Variants in PRND observed in about 807,000 individuals in gnomAD.
The protein encoded by PRND is prion-like protein doppel.
For synonymous variants in PRND, 94 were observed against 93.2 expected (o/e 1.01, Z -0.05); for missense variants, 227 against 223.3 (o/e 1.02, Z -0.11).
chr20:4,724,908 G>T lies in PRND; in HGVS notation c.357G>T (p.Glu119Asp). Residue 119 changes from glutamate to aspartate, a missense_variant, in exon 2 of 2, where the codon GAG (glutamate) becomes GAT (aspartate). Physicochemically the swap from Glu to Asp is conservative, Grantham distance 45. Transcript: ENST00000305817. This position sits in a 1 kb window ranked among gnomAD's most constrained non-coding sequence, Gnocchi z 4.8. ...INATQAANQG[E>D]FQKPDNKLHQ... ...CCACCCAGGCGGCGAACCAGGGGGAGTTCCAGAAGCCAGACAACAAGCTCC... is the reference window on the plus strand; with the variant it reads ...CCACCCAGGCGGCGAACCAGGGGGATTTCCAGAAGCCAGACAACAAGCTCC... The T allele has an allele frequency of 6.2e-7, 1 of 1,614,198 alleles. No homozygotes were observed. The highest frequency in any genetic ancestry group is 8.5e-7 in the Non-Finnish European group (1 of 1,180,054).
At position 4,727,498 on chromosome 20, in the gene PRND, T is replaced by C. The variant is rs1039790493; in HGVS notation, c.*2416T>C. The stretch of plus-strand genomic sequence containing the variant: ...TTCTGAATTATTCTGGATATCGTCA[T>C]TTTGCAGTGTGCATAATTTTGCCAA... On this transcript the variant is annotated 3_prime_UTR_variant, in exon 2 of 2. Transcript: ENST00000305817. 6.0e-6 allele frequency: 1 copy of C among 167,110 alleles called. No individual in the cohort carries two copies. The highest frequency in any genetic ancestry group is 1.5e-5 in the Non-Finnish European group (1 of 68,124). The allele number at this position is 167,110 out of a possible 1,614,324, so 10.4% of individuals were successfully genotyped here. A position where few individuals can be genotyped will look rare whatever the true frequency, so the allele number is the denominator to read the frequency against.
chr20:4,722,014 T>C (rs1485205777), intron 1 of PRND, 45 bp downstream of exon 1: 1 of 152,238 alleles, frequency 6.6e-6, no homozygotes, highest in East Asian at 1.9e-4. Flanking sequence ...TGGTTTCTTA[T>C]CAAGGCTCGA....
chr20:4,724,410 A>G lies in PRND; in HGVS notation c.-11-131A>G, dbSNP rs1382524719. 1 of 1,204,334 alleles carries G rather than the reference A, an allele frequency of 8.3e-7. No homozygotes were observed. The highest frequency in any genetic ancestry group is 1.2e-6 in the Non-Finnish European group (1 of 829,686). The allele number at this position is 1,204,334 out of a possible 1,614,324, so 74.6% of individuals were successfully genotyped here. On this transcript the variant is annotated intron_variant, in intron 1 of 1. Transcript: ENST00000305817. The surrounding 1 kb of genome is among the most constrained non-coding windows in gnomAD (Gnocchi z 4.8). ...TGCACAACCCAAACATGGGGAAACA[A>G]TTATGCTTTTGAGACCACATAAATA... is the stretch of plus-strand genomic sequence containing the variant.
Position 4,725,188 on chromosome 20 carries a change from C to A in PRND, c.*106C>A. 7.1e-7 allele frequency: 1 copy of A among 1,409,506 alleles called. No individual in the cohort carries two copies. Among genetic ancestry groups the A allele is most frequent in the Non-Finnish European group, 9.7e-7 (1 of 1,030,070 alleles). 87.3% of individuals were successfully genotyped at this position (1,409,506 alleles called of 1,614,324 possible). On this transcript the variant is annotated 3_prime_UTR_variant, in exon 2 of 2. Coordinates refer to ENST00000305817, the MANE Select transcript of PRND (RefSeq NM_012409.4). The stretch of plus-strand genomic sequence containing the variant: ...CGCGTGTTCTGAAGGTGCCCAGGAG[C>A]GGCGATGCACTCGCACTGCAAATGC...
rs900298028 is a variant in PRND, at chr20:4,726,392, C to T, written c.*1310C>T. 1 of 166,856 alleles carries T rather than the reference C, an allele frequency of 6.0e-6. No individual in the cohort carries two copies. The highest frequency in any genetic ancestry group is 2.1e-4 in the South Asian group (1 of 4,816). The allele number at this position is 166,856 out of a possible 1,614,324, so 10.3% of individuals were successfully genotyped here. Reference sequence around the variant, plus strand: ...CATCATCTCTGTAAACCACTTGTCACTACAAAAATACAATTACTCACCAAA... The same window carrying T: ...CATCATCTCTGTAAACCACTTGTCATTACAAAAATACAATTACTCACCAAA... On this transcript the variant is annotated 3_prime_UTR_variant, in exon 2 of 2. Coordinates refer to ENST00000305817, the MANE Select transcript of PRND (RefSeq NM_012409.4).
At position 4,724,048 on chromosome 20, in the gene PRND, A is replaced by ATG. The variant is rs1344618645; in HGVS notation, c.-11-492_-11-491insGT. ...TACATATATGTGTGTATATATGTAT[A>ATG]TATGTGTGTGTATATACGTGTATAT... On this transcript the variant is annotated intron_variant, in intron 1 of 1. Coordinates refer to ENST00000305817, the MANE Select transcript of PRND (RefSeq NM_012409.4). The surrounding 1 kb of genome is among the most constrained non-coding windows in gnomAD (Gnocchi z 4.8). Among the ~76,000 whole-genome samples, 1 of 103,914 alleles carries ATG rather than the reference A, an allele frequency of 9.6e-6. No homozygotes were observed. The highest frequency in any genetic ancestry group is 8.6e-5 in the Admixed American group (1 of 11,598). The allele number at this position is 103,914 out of a possible 152,430, so 68.2% of individuals were successfully genotyped here. A position where few individuals can be genotyped will look rare whatever the true frequency, so the allele number is the denominator to read the frequency against.
chr20:4,722,483 C>T lies in PRND; in HGVS notation c.-12+514C>T, dbSNP rs117788563. The stretch of plus-strand genomic sequence containing the variant: ...TAGCCACCCTGGGACAAAGACGAGG[C>T]GATGTCTACAAGCAAGGAAAGGTCA... On this transcript the variant is annotated intron_variant, in intron 1 of 1. Coordinates refer to ENST00000305817, the MANE Select transcript of PRND (RefSeq NM_012409.4). Among the ~76,000 whole-genome samples, 180 of 151,260 alleles carry T rather than the reference C, an allele frequency of 1.2e-3. 4 individuals carry two copies. In the East Asian group the frequency reaches 0.032, roughly 27 times the overall value.
chr20:4,723,432 G>A (rs1923160754), intron 1 of PRND, among the ~76,000 whole-genome samples: 6 of 152,218 alleles, frequency 3.9e-5, no homozygotes, highest in Admixed American at 3.9e-4. Context: ...TCCCCCAGGG[G>A]TGAGATTGGA....
chr20:4,723,062 G>C (rs1923151359), intron 1 of PRND, among the ~76,000 whole-genome samples: 2 of 152,064 alleles, frequency 1.3e-5, no homozygotes. Context: ...ATTCCTCAAG[G>C]GCCCTGCCCT....
chr20:4,723,938 ATGTGTGTGTGTG>A lies in PRND; in HGVS notation c.-11-577_-11-566del, dbSNP rs78289429. The stretch of plus-strand genomic sequence containing the variant: ...CAGAGTGAGATCCTGTCTCTAAAAT[ATGTGTGTGTGTG>A]TGTGTGTGTGTGTGTGTGTGTGTGT... On this transcript the variant is annotated intron_variant, in intron 1 of 1. Transcript: ENST00000305817. Among the ~76,000 whole-genome samples the A allele has an allele frequency of 4.6e-3, 679 of 146,152 alleles. 5 individuals are homozygous for A. Among genetic ancestry groups the A allele is most frequent in the African/African-American group, 0.012 (486 of 39,442 alleles).
Position 4,724,545 on chromosome 20 carries a change from T to C in PRND, c.-7T>C. Reference sequence around the variant, plus strand: ...CCACCGCCGTTTCTCTGGCAGGTTCTGACGCGATGAGGAAGCACCTGAGCT... The same window carrying C: ...CCACCGCCGTTTCTCTGGCAGGTTCCGACGCGATGAGGAAGCACCTGAGCT... On this transcript the variant is annotated 5_prime_UTR_variant, in exon 2 of 2. Transcript: ENST00000305817. The surrounding 1 kb of genome is among the most constrained non-coding windows in gnomAD (Gnocchi z 4.8). 1 of 1,613,890 alleles carries C rather than the reference T, an allele frequency of 6.2e-7. No homozygotes were observed. Among genetic ancestry groups the C allele is most frequent in the Non-Finnish European group, 8.5e-7 (1 of 1,180,048 alleles).
rs557579012 is a variant in PRND at position 4,727,831 on chromosome 20, G to C, written c.*2749G>C. ...GGCAGAGTCTCATTCTGTTGCCCAGGCTGGAGTGCAGTGGCGTGATCTTGG... is the reference window on the plus strand; with the variant it reads ...GGCAGAGTCTCATTCTGTTGCCCAGCCTGGAGTGCAGTGGCGTGATCTTGG... On this transcript the variant is annotated 3_prime_UTR_variant, in exon 2 of 2. Transcript: ENST00000305817. The C allele has an allele frequency of 2.8e-5, 4 of 144,506 alleles. No individual in the cohort carries two copies. In the South Asian group the frequency reaches 1.0e-3, roughly 38 times the overall value. The allele number at this position is 144,506 out of a possible 1,614,324, so 9.0% of individuals were successfully genotyped here.
Position 4,727,722 on chromosome 20 carries a change from T to TA in PRND, c.*2646dup, listed in dbSNP as rs200303263. 2,210 of 166,966 alleles carry TA rather than the reference T, an allele frequency of 0.013. 24 individuals are homozygous for TA. Among genetic ancestry groups the TA allele is most frequent in the Non-Finnish European group, 0.014 (946 of 68,066 alleles). The allele number at this position is 166,966 out of a possible 1,614,324, so 10.3% of individuals were successfully genotyped here. On this transcript the variant is annotated 3_prime_UTR_variant, in exon 2 of 2. Coordinates refer to ENST00000305817, the MANE Select transcript of PRND (RefSeq NM_012409.4). Reference sequence around the variant, plus strand: ...CGTATGTAAACATTCATATTTGCAATAAAAAAGTGAGCTTTTATATTCTAA... The same window carrying TA: ...CGTATGTAAACATTCATATTTGCAATAAAAAAAGTGAGCTTTTATATTCTAA...
chr20:4,722,962 C>T (rs1923147443), intron 1 of PRND, among the ~76,000 whole-genome samples: 2 of 152,336 alleles, frequency 1.3e-5, no homozygotes, highest in South Asian at 2.1e-4. Flanking sequence ...AGTGGCAGCC[C>T]TTCGGATGTC....
At chr20:4,723,129 T>G (rs1490520385) in intron 1 of PRND, among the ~76,000 whole-genome samples, 1 of 152,164 alleles carries the variant, frequency 6.6e-6, no homozygotes. Flanking sequence ...GCACAGTGTG[T>G]GAGCACTGTC....
Position 4,724,070 on chromosome 20 carries a change from ATATATACATATATATGTG to A in PRND, c.-11-464_-11-447del, listed in dbSNP as rs1923187916. Among the ~76,000 whole-genome samples the A allele has an allele frequency of 6.6e-6, 1 of 150,726 alleles. No homozygotes were observed. Among genetic ancestry groups the A allele is most frequent in the Non-Finnish European group, 1.5e-5 (1 of 67,832 alleles). On this transcript the variant is annotated intron_variant, in intron 1 of 1. Transcript: ENST00000305817. The surrounding 1 kb of genome is among the most constrained non-coding windows in gnomAD (Gnocchi z 4.8). ...TATATATGTGTGTGTATATACGTGTATATATACATATATATGTGTATATATATACGTGTATACACACAC... is the reference window on the plus strand; with the variant it reads ...TATATATGTGTGTGTATATACGTGTATATATATATACGTGTATACACACAC...
At position 4,727,053 on chromosome 20, in the gene PRND, A is replaced by G. The variant is rs907738132; in HGVS notation, c.*1971A>G. On this transcript the variant is annotated 3_prime_UTR_variant, in exon 2 of 2. Transcript: ENST00000305817. The stretch of plus-strand genomic sequence containing the variant: ...CGGTTATTTCCTGCTTTCTAATTAA[A>G]AAAATAATAACCATGGCAAGAGAGA... 6.0e-6 allele frequency: 1 copy of G among 167,094 alleles called. No homozygotes were observed. The highest frequency in any genetic ancestry group is 1.5e-5 in the Non-Finnish European group (1 of 68,116). The allele number at this position is 167,094 out of a possible 1,614,324, so 10.4% of individuals were successfully genotyped here. A position where few individuals can be genotyped will look rare whatever the true frequency, so the allele number is the denominator to read the frequency against.
chr20:4,723,687 G>A (rs1180914468), intron 1 of PRND, among the ~76,000 whole-genome samples: 1 of 152,124 alleles, frequency 6.6e-6, no homozygotes, highest in Non-Finnish European at 1.5e-5. Flanking sequence ...AGTGGCTCGT[G>A]CCTGTAATCT....
intron 1 of PRND, among the ~76,000 whole-genome samples, chr20:4,723,354 T>A (rs1195506548): frequency 1.3e-5 from 2 of 152,150 alleles, no homozygotes; most frequent in Non-Finnish European, 2.9e-5. Context: ...GAGAAGAGCT[T>A]AACACGGTGG....
Sources: gnomAD v4.1 joint callset for allele counts (sites outside exome capture counted in the v4.1 genomes callset) on GRCh38, gnomAD v4.1.1 for gene constraint, Gnocchi (gnomAD v3.1) non-coding constraint, MANE v1.5 for transcripts, NCBI Gene and HGNC (gene_info 2026-07-23, HGNC 2026-07-21) for gene names.